MYO3B: variants seen among roughly 807,000 people sequenced by gnomAD.
MYO3B encodes the protein myosin-IIIb.
A neutral mutation model predicts 174.6 loss-of-function variants in MYO3B; 156 were observed. That is an observed-to-expected ratio of 0.89 (90% CI 0.78 to 1.02). The LOEUF (loss-of-function observed/expected upper bound fraction) is 1.02. MYO3B is among the 50% of genes least tolerant of loss of function. The probability of loss-of-function intolerance (pLI) is 0.00; values close to 1 mark genes in which losing one functional copy is unlikely to be tolerated. For missense variants in MYO3B, 1,632 were observed against 1,639.4 expected (o/e 1.00, Z 0.08); for synonymous variants, 563 against 569.1 (o/e 0.99, Z 0.15).
At chr2:170,442,706 A>G (rs890728980) in intron 22 of MYO3B, among the ~76,000 whole-genome samples, 10 of 151,938 alleles carry the variant, frequency 6.6e-5, no homozygotes, top group African/African-American at 2.4e-4. Context: ...CCTGCGTCCA[A>G]GTGTTCTCAT....
chr2:170,385,903 G>A, intron 12 of MYO3B: 1 of 207,660 alleles, frequency 4.8e-6, no homozygotes, highest in Non-Finnish European at 9.6e-6. Flanking sequence ...AAAATATAAT[G>A]ACTTAAGTAT....
At chr2:170,429,133 G>T (rs1412718589) in intron 22 of MYO3B, among the ~76,000 whole-genome samples, 1 of 152,154 alleles carries the variant, frequency 6.6e-6, no homozygotes, top group African/African-American at 2.4e-5. Flanking sequence ...AATAGATAAG[G>T]TATGTTGTGC....
chr2:170,543,550 C>CT (rs1348948409), intron 31 of MYO3B, among the ~76,000 whole-genome samples: 1 of 152,054 alleles, frequency 6.6e-6, no homozygotes, highest in Non-Finnish European at 1.5e-5. Context: ...TATAGGTTTT[C>CT]TTTTTTCTTT....
chr2:170,335,886 A>T (rs1275959750), intron 8 of MYO3B, among the ~76,000 whole-genome samples: 1 of 152,164 alleles, frequency 6.6e-6, no homozygotes, highest in Non-Finnish European at 1.5e-5. Flanking sequence ...AGTTTCCAAG[A>T]TGATAGAGGG....
chr2:170,241,771 C>A lies in MYO3B; in HGVS notation c.749+5635C>A, dbSNP rs569334405. 2.6e-5 allele frequency among the ~76,000 whole-genome samples: 4 copies of A among 151,994 alleles called. No individual in the cohort carries two copies. The South Asian group carries it at 8.3e-4, about 32-fold the overall frequency. On this transcript the variant is annotated intron_variant, in intron 7 of 34. Coordinates refer to ENST00000408978, the MANE Select transcript of MYO3B (RefSeq NM_138995.5). ...TCCTCAGGGACTCAGTGCCTACAATCGACTCTCATCCTGAAATAGGATCCT... is the reference window on the plus strand; with the variant it reads ...TCCTCAGGGACTCAGTGCCTACAATAGACTCTCATCCTGAAATAGGATCCT...
At chr2:170,626,516 C>T (rs1696446869) in intron 32 of MYO3B, among the ~76,000 whole-genome samples, 1 of 152,158 alleles carries the variant, frequency 6.6e-6, no homozygotes, top group Admixed American at 6.5e-5. Flanking sequence ...ATTTGCCAGT[C>T]TGTGTCAATT....
chr2:170,184,973 A>G (rs893163812), intron 1 of MYO3B, among the ~76,000 whole-genome samples: 1 of 152,022 alleles, frequency 6.6e-6, no homozygotes, highest in African/African-American at 2.4e-5. Flanking sequence ...CCTATTTGCC[A>G]TTTTTGAGAA....
At chr2:170,253,934 C>G (rs1402162906) in intron 7 of MYO3B, among the ~76,000 whole-genome samples, 2 of 151,984 alleles carry the variant, frequency 1.3e-5, no homozygotes, top group African/African-American at 2.4e-5. Context: ...TAGATGTAGC[C>G]AGGAAGTGCC....
chr2:170,338,844 C>T (rs934486074), intron 8 of MYO3B, among the ~76,000 whole-genome samples: 6 of 152,144 alleles, frequency 3.9e-5, no homozygotes, highest in Admixed American at 1.3e-4. Context: ...CTCAAGTGAT[C>T]TGCCCACCTC....
At chr2:170,385,165 C>T (rs1558947357) in intron 12 of MYO3B, among the ~76,000 whole-genome samples, 3 of 152,120 alleles carry the variant, frequency 2.0e-5, no homozygotes, top group East Asian at 1.9e-4. Flanking sequence ...TTTCTGGACA[C>T]ATCCCCCTCC....
In MYO3B at chr2:170,219,927, T is replaced by G. The variant is rs1469278202; in HGVS notation, c.603+2532T>G. The stretch of plus-strand genomic sequence containing the variant: ...AATTAAGAGAAGCATTTTCTTGGCT[T>G]TGTACATTTATGTATAAATGGCTTT... On this transcript the variant is annotated intron_variant, in intron 6 of 34. Transcript: ENST00000408978. 2.0e-5 allele frequency among the ~76,000 whole-genome samples: 3 copies of G among 152,292 alleles called. No individual in the cohort carries two copies. The East Asian group carries it at 5.8e-4, about 29-fold the overall frequency.
chr2:170,386,920 T>C (rs1348575525), intron 13 of MYO3B, among the ~76,000 whole-genome samples, 186 bp from the exon 14 acceptor site: 1 of 152,268 alleles, frequency 6.6e-6, no homozygotes, highest in Admixed American at 6.5e-5. Flanking sequence ...CCAAATCCGA[T>C]TCATATGCAG....
At chr2:170,263,156 A>G (rs1280176646) in intron 7 of MYO3B, among the ~76,000 whole-genome samples, 1 of 152,216 alleles carries the variant, frequency 6.6e-6, no homozygotes, top group East Asian at 1.9e-4. Context: ...TTTGTGGTTT[A>G]TCATGAGTTG....
At chr2:170,236,265 T>A in intron 7 of MYO3B, 129 bp downstream of exon 7, 1 of 1,271,002 alleles carries the variant, frequency 7.9e-7, no homozygotes, top group Non-Finnish European at 1.1e-6. Flanking sequence ...TATATTTTCT[T>A]TGAAAAAGCA....
rs190356858 is a variant in MYO3B at position 170,260,379 on chromosome 2, A to C, written c.749+24243A>C. ...CATGGAATACTATGCAGCCATAAAA[A>C]GGGATAAAATCATGTTCTTTGCAGC... On this transcript the variant is annotated intron_variant, in intron 7 of 34. Coordinates refer to ENST00000408978, the MANE Select transcript of MYO3B (RefSeq NM_138995.5). 1.2e-4 allele frequency among the ~76,000 whole-genome samples: 18 copies of C among 152,386 alleles called. No homozygotes were observed. In the East Asian group the frequency reaches 3.5e-3, roughly 29 times the overall value.
At chr2:170,597,721 G>A (rs1015302672) in intron 32 of MYO3B, among the ~76,000 whole-genome samples, 13 of 152,156 alleles carry the variant, frequency 8.5e-5, no homozygotes, top group Non-Finnish European at 1.9e-4. Flanking sequence ...TATCCTCAAG[G>A]CGAATGAATC....
chr2:170,426,338 C>CT (rs529286958), intron 22 of MYO3B, among the ~76,000 whole-genome samples: 3,398 of 133,830 alleles, frequency 0.025, 54 homozygotes, highest in African/African-American at 0.032. Context: ...GACCTCATCG[C>CT]TTTTTTTTTT....
intron 7 of MYO3B, among the ~76,000 whole-genome samples, chr2:170,321,399 T>C (rs570300331): frequency 1.3e-5 from 2 of 152,242 alleles, no homozygotes; most frequent in South Asian, 4.1e-4. Context: ...ATAGATCGTT[T>C]ATTAACTAAC....
rs530492125 is a variant in MYO3B at position 170,244,662 on chromosome 2, G to C, written c.749+8526G>C. Among the ~76,000 whole-genome samples the C allele has an allele frequency of 4.6e-5, 7 of 152,280 alleles. No individual in the cohort carries two copies. The South Asian group carries it at 1.0e-3, about 23-fold the overall frequency. ...CTGGTGAGCTTGACTTTCGCCTTGGGATAATTACTAAAATTTTTTTCATTT... is the reference window on the plus strand; with the variant it reads ...CTGGTGAGCTTGACTTTCGCCTTGGCATAATTACTAAAATTTTTTTCATTT... On this transcript the variant is annotated intron_variant, in intron 7 of 34. Transcript: ENST00000408978.
Sources: gnomAD v4.1 joint callset for allele counts (sites outside exome capture counted in the v4.1 genomes callset) on GRCh38, gnomAD v4.1.1 for gene constraint, MANE v1.5 for transcripts, NCBI Gene and HGNC (gene_info 2026-07-23, HGNC 2026-07-21) for gene names.